KIF6: variants seen among roughly 807,000 people sequenced by gnomAD.
KIF6 encodes kinesin family member 6.
Under a neutral mutation model 112.7 loss-of-function variants are expected in KIF6, and 106 were observed. That is an observed-to-expected ratio of 0.94 (90% CI 0.80 to 1.11). The LOEUF (loss-of-function observed/expected upper bound fraction) is 1.11, where lower values mean the gene tolerates loss of function less well. KIF6 is among the 50% of genes least tolerant of loss of function. The pLI is 0.00. For synonymous variants in KIF6, 339 were observed against 339.9 expected (o/e 1.00, Z 0.03); for missense variants, 929 against 964.0 (o/e 0.96, Z 0.48).
chr6:39,470,207 G>A (rs1470374389), intron 13 of KIF6, among the ~76,000 whole-genome samples: 1 of 152,184 alleles, frequency 6.6e-6, no homozygotes. Flanking sequence ...TCAGGAGCAG[G>A]TAAAGAGGTA....
At chr6:39,461,325 G>A (rs1358282906) in intron 13 of KIF6, among the ~76,000 whole-genome samples, 1 of 152,084 alleles carries the variant, frequency 6.6e-6, no homozygotes, top group Admixed American at 6.5e-5. Context: ...AGGTAACACA[G>A]GCAATACAAG....
chr6:39,425,735 T>C (rs1446586712), intron 14 of KIF6, among the ~76,000 whole-genome samples: 1 of 148,406 alleles, frequency 6.7e-6, no homozygotes, highest in East Asian at 2.0e-4. Flanking sequence ...GAGAAGATTC[T>C]AATCTAATCT....
At chr6:39,637,438 T>C (rs1258159680) in intron 4 of KIF6, among the ~76,000 whole-genome samples, 1 of 152,036 alleles carries the variant, frequency 6.6e-6, no homozygotes, top group East Asian at 1.9e-4. Context: ...CAAAACAAGT[T>C]TGAAACTCAC....
At chr6:39,605,953 T>C (rs1782860709) in intron 6 of KIF6, among the ~76,000 whole-genome samples, 1 of 152,128 alleles carries the variant, frequency 6.6e-6, no homozygotes, top group Admixed American at 6.6e-5. Context: ...TAATTCCAAG[T>C]TTCAGAAAAC....
intron 3 of KIF6, among the ~76,000 whole-genome samples, chr6:39,648,736 G>T (rs145805749): frequency 6.6e-6 from 1 of 152,180 alleles, no homozygotes; most frequent in African/African-American, 2.4e-5. Flanking sequence ...TGCGAATGCC[G>T]GTGCCCCCTC....
At chr6:39,405,418 T>A (rs1438093571) in intron 15 of KIF6, among the ~76,000 whole-genome samples, 1 of 152,152 alleles carries the variant, frequency 6.6e-6, no homozygotes, top group Non-Finnish European at 1.5e-5. Context: ...GTTTTTATTG[T>A]GATGAATGCT....
intron 13 of KIF6, among the ~76,000 whole-genome samples, chr6:39,473,829 C>T (rs936862449): frequency 2.2e-4 from 34 of 152,102 alleles, no homozygotes; most frequent in Admixed American, 1.1e-3. Context: ...TTATTTTCCC[C>T]TCTTTTGAGG....
intron 13 of KIF6, among the ~76,000 whole-genome samples, chr6:39,525,497 G>C (rs1777665019): frequency 6.6e-6 from 1 of 152,164 alleles, no homozygotes; most frequent in African/African-American, 2.4e-5. Context: ...GCTCATGCCT[G>C]TACTCCCAGC....
chr6:39,617,647 G>T (rs1783592231), intron 5 of KIF6: 2 of 449,882 alleles, frequency 4.4e-6, no homozygotes. Flanking sequence ...GCAATGAAGA[G>T]CCTCCTAACA....
At chr6:39,627,457 G>T (rs1784150270) in intron 5 of KIF6, among the ~76,000 whole-genome samples, 1 of 152,164 alleles carries the variant, frequency 6.6e-6, no homozygotes. Flanking sequence ...TAGCACAATG[G>T]CTGGAACAAA....
intron 13 of KIF6, among the ~76,000 whole-genome samples, chr6:39,519,258 A>C (rs1484113337): frequency 6.6e-6 from 1 of 152,250 alleles, no homozygotes; most frequent in Non-Finnish European, 1.5e-5. Context: ...ATTATTGATG[A>C]AAGTCTTTGT....
intron 13 of KIF6, among the ~76,000 whole-genome samples, chr6:39,511,845 C>T (rs569092380): frequency 5.3e-5 from 8 of 152,240 alleles, no homozygotes; most frequent in African/African-American, 1.9e-4. Flanking sequence ...CACACAAGGA[C>T]AGAAAACCAA....
chr6:39,494,429 T>C (rs1473196571), intron 13 of KIF6, among the ~76,000 whole-genome samples: 4 of 152,230 alleles, frequency 2.6e-5, no homozygotes, highest in Admixed American at 6.5e-5. Context: ...AGGAAAATAC[T>C]GTATTTTAAA....
At chr6:39,591,610 G>A (rs2150675057) in intron 7 of KIF6, among the ~76,000 whole-genome samples, 1 of 152,288 alleles carries the variant, frequency 6.6e-6, no homozygotes, top group East Asian at 1.9e-4. Context: ...AGGACCGTGA[G>A]AAGGTACCTT....
intron 3 of KIF6, among the ~76,000 whole-genome samples, chr6:39,658,986 G>A (rs1031839370): frequency 6.6e-6 from 1 of 152,186 alleles, no homozygotes; most frequent in Non-Finnish European, 1.5e-5. Context: ...CTGGACAGAG[G>A]AGAAATTGAA....
chr6:39,543,916 A>G (rs958976292), intron 12 of KIF6, among the ~76,000 whole-genome samples: 13 of 152,124 alleles, frequency 8.5e-5, no homozygotes, highest in Non-Finnish European at 1.3e-4. Context: ...ATTCTATCTT[A>G]TTTGGTACTG....
intron 13 of KIF6, among the ~76,000 whole-genome samples, chr6:39,500,901 A>G (rs1776091507): frequency 6.6e-6 from 1 of 152,128 alleles, no homozygotes; most frequent in African/African-American, 2.4e-5. Context: ...AGAAGGACAG[A>G]AATCCTTTGG....
At position 39,335,227 on chromosome 6, in the gene KIF6, G is replaced by A. The variant is rs1203643985; in HGVS notation, c.*1305C>T. 6.6e-6 allele frequency: 1 copy of A among 152,156 alleles called. No homozygotes were observed. Among genetic ancestry groups the A allele is most frequent in the Non-Finnish European group, 1.5e-5 (1 of 68,022 alleles). 9.4% of individuals were successfully genotyped at this position (152,156 alleles called of 1,614,324 possible). A position where few individuals can be genotyped will look rare whatever the true frequency, so the allele number is the denominator to read the frequency against. On this transcript the variant is annotated 3_prime_UTR_variant, in exon 23 of 23. Coordinates refer to ENST00000287152, the MANE Select transcript of KIF6 (RefSeq NM_145027.6). ...TAATGGGATAGGGGATAACTAGGGG[G>A]TGACTCGAGATGGAGTGGTCAGGGG...
intron 13 of KIF6, among the ~76,000 whole-genome samples, chr6:39,475,790 G>A (rs1252770280): frequency 1.3e-5 from 2 of 152,144 alleles, no homozygotes; most frequent in Non-Finnish European, 2.9e-5. Flanking sequence ...TTCTTTTGAG[G>A]TAGGCTTTCC....
Sources: allele counts gnomAD v4.1 joint callset (sites outside exome capture counted in the v4.1 genomes callset), GRCh38; gene constraint gnomAD v4.1.1; transcripts MANE v1.5; gene names NCBI Gene and HGNC (gene_info 2026-07-23, HGNC 2026-07-21).